TGFB2: variants seen among roughly 807,000 people sequenced by gnomAD.
TGFB2 encodes transforming growth factor beta 2.
A neutral mutation model predicts 42.7 loss-of-function variants in TGFB2; 13 were observed. That is an observed-to-expected ratio of 0.30 (90% CI 0.20 to 0.48). The LOEUF (loss-of-function observed/expected upper bound fraction) is 0.48, where lower values mean the gene tolerates loss of function less well. Ranked by LOEUF, TGFB2 falls within the 20% of genes least tolerant of loss-of-function variation. The pLI, the probability that TGFB2 is intolerant of heterozygous loss-of-function variation, is 0.99. For missense variants in TGFB2, 390 were observed against 517.5 expected (o/e 0.75, Z 2.39); for synonymous variants, 193 against 193.6 (o/e 1.00, Z 0.03).
rs190417771 is a variant in TGFB2 at position 218,443,613 on chromosome 1, T to C, written c.*2251T>C. 1.2e-4 allele frequency: 18 copies of C among 152,304 alleles called. No individual in the cohort carries two copies. Among genetic ancestry groups the C allele is most frequent in the Admixed American group, 1.2e-3 (18 of 15,288 alleles). 9.4% of individuals were successfully genotyped at this position (152,304 alleles called of 1,614,324 possible). ...TTTTATTTCTGCAGACATTTTCCTC[T>C]CAGATAGGATGACATTTTGTTTTGT... On this transcript the variant is annotated 3_prime_UTR_variant, in exon 7 of 7. Coordinates refer to ENST00000366930, the MANE Select transcript of TGFB2 (RefSeq NM_003238.6).
chr1:218,417,977 G>T (rs561203571), intron 2 of TGFB2, among the ~76,000 whole-genome samples: 7 of 152,228 alleles, frequency 4.6e-5, no homozygotes, highest in Admixed American at 6.5e-5. Context: ...GTAGGGGCAG[G>T]GTCCTCATGG....
chr1:218,390,446 T>C (rs1415108473), intron 1 of TGFB2, among the ~76,000 whole-genome samples: 1 of 152,168 alleles, frequency 6.6e-6, no homozygotes, highest in Non-Finnish European at 1.5e-5. Flanking sequence ...TTGGAGACCC[T>C]AGCTGCCATT....
At chr1:218,352,732 G>GC (rs1656908739) in intron 1 of TGFB2, among the ~76,000 whole-genome samples, 1 of 152,126 alleles carries the variant, frequency 6.6e-6, no homozygotes, top group South Asian at 2.1e-4. Flanking sequence ...GAATGAAACT[G>GC]CCCCTTGGCC....
chr1:218,400,879 C>T (rs1658692175), intron 1 of TGFB2, among the ~76,000 whole-genome samples: 2 of 151,948 alleles, frequency 1.3e-5, no homozygotes, highest in Non-Finnish European at 2.9e-5. Flanking sequence ...ATTGGGGACA[C>T]CAGAAGGCAA....
intron 1 of TGFB2, among the ~76,000 whole-genome samples, chr1:218,383,048 T>C: frequency 6.6e-6 from 1 of 152,224 alleles, no homozygotes; most frequent in East Asian, 1.9e-4. Flanking sequence ...TTGAAAATAT[T>C]TGAGTTTTTA....
chr1:218,379,489 T>TTC (rs1408474290), intron 1 of TGFB2, among the ~76,000 whole-genome samples: 46 of 143,504 alleles, frequency 3.2e-4, no homozygotes, highest in Admixed American at 8.2e-4. Flanking sequence ...CTTTCTTTCT[T>TTC]TTTTTTTTTT....
At chr1:218,381,545 C>T (rs1657963249) in intron 1 of TGFB2, among the ~76,000 whole-genome samples, 1 of 152,158 alleles carries the variant, frequency 6.6e-6, no homozygotes. Flanking sequence ...TGAGCCACAG[C>T]GCCCGACTGA....
chr1:218,440,545 C>T (rs916329966), intron 6 of TGFB2, among the ~76,000 whole-genome samples: 1 of 152,144 alleles, frequency 6.6e-6, no homozygotes, highest in Non-Finnish European at 1.5e-5. Flanking sequence ...CCACCGTGCC[C>T]AGCCTGTAGA....
At chr1:218,411,482 G>A (rs1659096062) in intron 2 of TGFB2, among the ~76,000 whole-genome samples, 1 of 152,118 alleles carries the variant, frequency 6.6e-6, no homozygotes, top group Admixed American at 6.5e-5. Flanking sequence ...AGTCTCAGAT[G>A]TCTCCATGTG....
intron 2 of TGFB2, among the ~76,000 whole-genome samples, chr1:218,431,394 TATAG>T (rs920998784): frequency 3.3e-4 from 50 of 152,374 alleles, no homozygotes; most frequent in African/African-American, 1.2e-3. Flanking sequence ...GGAAGATTTA[TATAG>T]ATTTGGCATT....
At chr1:218,405,373 G>A (rs1658876616) in intron 2 of TGFB2, 41 bp downstream of exon 2, 8 of 1,607,218 alleles carry the variant, frequency 5.0e-6, no homozygotes, top group Middle Eastern at 1.6e-4. Context: ...TGTTGTTGTT[G>A]TTTTAGACAG....
chr1:218,424,660 A>T (rs1463703572), intron 2 of TGFB2, among the ~76,000 whole-genome samples: 1 of 152,178 alleles, frequency 6.6e-6, no homozygotes, highest in Non-Finnish European at 1.5e-5. Context: ...GCTTTGCATT[A>T]TTTCTTTCTC....
chr1:218,409,880 C>T (rs1571879363), intron 2 of TGFB2, among the ~76,000 whole-genome samples: 1 of 152,188 alleles, frequency 6.6e-6, no homozygotes, highest in Non-Finnish European at 1.5e-5. Context: ...TTTATTAGGA[C>T]TCTTCAGGAC....
At chr1:218,351,804 G>A (rs1656875891) in intron 1 of TGFB2, among the ~76,000 whole-genome samples, 1 of 152,140 alleles carries the variant, frequency 6.6e-6, no homozygotes, top group Non-Finnish European at 1.5e-5. Flanking sequence ...TGAAAAGATG[G>A]TGATGTAACC....
intron 2 of TGFB2, among the ~76,000 whole-genome samples, chr1:218,416,591 A>G (rs1659288680): frequency 6.6e-6 from 1 of 152,216 alleles, no homozygotes; most frequent in African/African-American, 2.4e-5. Flanking sequence ...TATATTTCTG[A>G]AAGTCAGCCA....
chr1:218,392,527 G>C (rs1658348541), intron 1 of TGFB2, among the ~76,000 whole-genome samples: 1 of 152,346 alleles, frequency 6.6e-6, no homozygotes, highest in African/African-American at 2.4e-5. Context: ...TGGAACAATG[G>C]TCAGAGGCTG....
chr1:218,438,626 A>G (rs1286538171), intron 6 of TGFB2, among the ~76,000 whole-genome samples: 1 of 152,156 alleles, frequency 6.6e-6, no homozygotes, highest in Non-Finnish European at 1.5e-5. Context: ...TGAGTATTTT[A>G]TCAAGTTGTT....
intron 1 of TGFB2, among the ~76,000 whole-genome samples, chr1:218,370,871 G>A (rs1214819730): frequency 1.3e-5 from 2 of 152,242 alleles, no homozygotes; most frequent in East Asian, 1.9e-4. Context: ...AGTAGAGTAG[G>A]AATTGGGTAC....
At chr1:218,368,976 G>T (rs1011398617) in intron 1 of TGFB2, among the ~76,000 whole-genome samples, 4 of 152,048 alleles carry the variant, frequency 2.6e-5, no homozygotes, top group Admixed American at 1.3e-4. Context: ...GGTATGTTGG[G>T]CCGGGCACGG....
Sources: allele counts gnomAD v4.1 joint callset (sites outside exome capture counted in the v4.1 genomes callset), GRCh38; gene constraint gnomAD v4.1.1; transcripts MANE v1.5; gene names NCBI Gene and HGNC (gene_info 2026-07-23, HGNC 2026-07-21).